PPP1R21: variants seen among roughly 807,000 people sequenced by gnomAD.
PPP1R21 encodes KLRAQ motif containing 1.
PPP1R21 carries 85 observed loss-of-function variants against 112.8 expected under a neutral mutation model. The observed-to-expected ratio is 0.75, with a 90% CI of 0.63 to 0.90. The LOEUF (loss-of-function observed/expected upper bound fraction) is 0.90. PPP1R21 is among the 40% of genes least tolerant of loss of function. The pLI is 0.00. For missense variants in PPP1R21, 1,199 were observed against 901.5 expected, an observed-to-expected ratio of 1.33 and a Z score of -4.23; for synonymous variants, 381 against 322.3, an observed-to-expected ratio of 1.18 and a Z score of -1.95.
chr2:48,472,037 C>G (rs1277240903), intron 11 of PPP1R21, among the ~76,000 whole-genome samples: 1 of 149,618 alleles, frequency 6.7e-6, no homozygotes, highest in African/African-American at 2.5e-5. Context: ...GTCAGGAGTT[C>G]GAGACCAGCC....
chr2:48,483,978 G>A (rs538772806), intron 13 of PPP1R21, among the ~76,000 whole-genome samples: 100 of 151,942 alleles, frequency 6.6e-4, no homozygotes, highest in Admixed American at 6.6e-4. Flanking sequence ...ATGAACTACC[G>A]TGCCCAGCCT....
chr2:48,468,825 A>ATGTATGTG (rs1424726898), intron 9 of PPP1R21, among the ~76,000 whole-genome samples: 1 of 43,906 alleles, frequency 2.3e-5, no homozygotes, highest in Non-Finnish European at 5.0e-5. Context: ...AAGAAAAAAA[A>ATGTATGTG]TGTATGTGTG....
intron 21 of PPP1R21, among the ~76,000 whole-genome samples, chr2:48,511,678 A>G (rs1258424509): frequency 6.6e-6 from 1 of 150,464 alleles, no homozygotes; most frequent in Non-Finnish European, 1.5e-5. Context: ...AGTGGGCAAT[A>G]TAGTGATACT....
intron 17 of PPP1R21, among the ~76,000 whole-genome samples, chr2:48,503,407 A>G (rs564652820): frequency 9.2e-5 from 14 of 152,308 alleles, no homozygotes; most frequent in African/African-American, 2.9e-4. Flanking sequence ...TAGTTTACCT[A>G]TGATTAGATA....
chr2:48,441,346 A>G (rs57513638), intron 1 of PPP1R21: 2 of 382,824 alleles, frequency 5.2e-6, no homozygotes, highest in Admixed American at 5.2e-5. Flanking sequence ...GGTGTGGACC[A>G]CTCCTCACCT....
chr2:48,501,448 TAGTC>T (rs909356300), intron 17 of PPP1R21, among the ~76,000 whole-genome samples: 2 of 152,176 alleles, frequency 1.3e-5, no homozygotes, highest in South Asian at 2.1e-4. Flanking sequence ...TCCAAAGTAT[TAGTC>T]AGTCAGTCAG....
chr2:48,488,744 G>C (rs1669426001), intron 14 of PPP1R21, among the ~76,000 whole-genome samples: 1 of 152,122 alleles, frequency 6.6e-6, no homozygotes, highest in South Asian at 2.1e-4. Context: ...CAAAATATTT[G>C]AACTAATGTT....
At chr2:48,478,021 T>A (rs1251750314) in intron 12 of PPP1R21, among the ~76,000 whole-genome samples, 1 of 152,188 alleles carries the variant, frequency 6.6e-6, no homozygotes, top group Non-Finnish European at 1.5e-5. Context: ...ACACAGAATC[T>A]GGAGACAGAG....
chr2:48,446,882 C>T (rs899532965), intron 1 of PPP1R21, among the ~76,000 whole-genome samples: 1 of 152,144 alleles, frequency 6.6e-6, no homozygotes, highest in Non-Finnish European at 1.5e-5. Context: ...TCCTGAGTAG[C>T]TGGGATTACA....
intron 4 of PPP1R21, among the ~76,000 whole-genome samples, chr2:48,459,089 C>G (rs1209056130): frequency 8.9e-6 from 1 of 112,664 alleles, no homozygotes; most frequent in Non-Finnish European, 1.8e-5. Context: ...GAGACTCTGT[C>G]TCAAAAAAAA....
intron 1 of PPP1R21, among the ~76,000 whole-genome samples, chr2:48,445,086 T>A (rs1667191004): frequency 1.3e-5 from 2 of 151,792 alleles, no homozygotes; most frequent in African/African-American, 4.8e-5. Flanking sequence ...CACCTACTTT[T>A]ATAGAGAAAT....
At chr2:48,455,785 C>A (rs193184560) in intron 3 of PPP1R21, among the ~76,000 whole-genome samples, 304 of 151,944 alleles carry the variant, frequency 2.0e-3, no homozygotes, top group Non-Finnish European at 3.2e-3. Flanking sequence ...GAGGCTGAGG[C>A]GGGCAGATCA....
intron 15 of PPP1R21, 36 bp from the exon 16 acceptor site, chr2:48,495,643 A>G (rs1268477182): frequency 8.3e-7 from 1 of 1,210,714 alleles, no homozygotes; most frequent in Non-Finnish European, 1.2e-6. Flanking sequence ...GTGATACAAT[A>G]TTTTTTCTTT....
At position 48,440,942 on chromosome 2, in the gene PPP1R21, G is replaced by A. The variant is rs1481210584; in HGVS notation, c.-12G>A. The stretch of plus-strand genomic sequence containing the variant: ...GCCTGGGCGGCCTGGCCTGTACGGG[G>A]CGGGGGAGGCCATGGCCTCGGCTGA... On this transcript the variant is annotated 5_prime_UTR_variant, in exon 1 of 22. Transcript: ENST00000294952. 2.5e-6 allele frequency: 4 copies of A among 1,604,778 alleles called. No individual in the cohort carries two copies. In the South Asian group the frequency reaches 4.4e-5, roughly 18 times the overall value.
At chr2:48,491,812 T>C (rs1251293381) in intron 15 of PPP1R21, among the ~76,000 whole-genome samples, 1 of 152,032 alleles carries the variant, frequency 6.6e-6, no homozygotes, top group Non-Finnish European at 1.5e-5. Flanking sequence ...ATTGTATCTA[T>C]AAAATACATG....
intron 13 of PPP1R21, among the ~76,000 whole-genome samples, chr2:48,484,705 G>A (rs753121985): frequency 2.0e-5 from 3 of 151,916 alleles, no homozygotes; most frequent in African/African-American, 2.4e-5. Context: ...TAGTAGACAC[G>A]GGGTTTTGCC....
chr2:48,483,226 A>G (rs755287395), intron 13 of PPP1R21, among the ~76,000 whole-genome samples: 2 of 120,612 alleles, frequency 1.7e-5, no homozygotes, highest in East Asian at 4.4e-4. Flanking sequence ...TTTTGAGACA[A>G]GTCTCACTCT....
chr2:48,475,701 G>A (rs894816532), intron 12 of PPP1R21, among the ~76,000 whole-genome samples: 22 of 151,946 alleles, frequency 1.4e-4, no homozygotes, highest in Non-Finnish European at 2.8e-4. Flanking sequence ...TACAAAATCA[G>A]CTGGGTGTGG....
chr2:48,499,614 C>A (rs76224382), intron 17 of PPP1R21, among the ~76,000 whole-genome samples: 2,527 of 152,186 alleles, frequency 0.017, 68 homozygotes, highest in African/African-American at 0.057. Context: ...ACCACAAATA[C>A]AATTTTAACC....
Sources: allele counts gnomAD v4.1 joint callset (sites outside exome capture counted in the v4.1 genomes callset), GRCh38; gene constraint gnomAD v4.1.1; transcripts MANE v1.5; gene names NCBI Gene and HGNC (gene_info 2026-07-23, HGNC 2026-07-21).